The following ZNF205 variants were observed in gnomAD, a reference collection of about 807,000 sequenced individuals.
The protein encoded by ZNF205 is transcriptional repressor RHIT.
ZNF205 carries 32 observed loss-of-function variants against 53.6 expected under a neutral mutation model. That is an observed-to-expected ratio of 0.60 (90% confidence interval 0.45 to 0.80). ZNF205 has a LOEUF of 0.80. Ranked by LOEUF, ZNF205 falls within the 30% of genes least tolerant of loss-of-function variation. The pLI is 0.00. For missense variants in ZNF205, 836 were observed against 782.4 expected, an observed-to-expected ratio of 1.07 and a Z score of -0.82; for synonymous variants, 382 against 334.3, an observed-to-expected ratio of 1.14 and a Z score of -1.56.
At chr16:3,113,717 G>A (rs966829005) in intron 2 of ZNF205, among the ~76,000 whole-genome samples, 1 of 152,200 alleles carries the variant, frequency 6.6e-6, no homozygotes, top group African/African-American at 2.4e-5. Context: ...AGAGGTCTGG[G>A]TGGAGGTCCT....
rs1417175916 is a variant in ZNF205, at chr16:3,119,772, A to G, written c.1112A>G (p.Lys371Arg). The change falls in exon 7 of 7, where the codon AAG (lysine) becomes AGG (arginine). Residue 371 changes from lysine to arginine, a missense_variant. Physicochemically the swap from Lys to Arg is conservative, Grantham distance 26 (BLOSUM62 2). Coordinates refer to ENST00000219091, the MANE Select transcript of ZNF205 (RefSeq NM_001042428.2). ...EKPYTCPACR[K>R]SFSHHSTLIQ... ...CCCTACACCTGCCCCGCCTGCCGGA[A>G]GAGCTTCAGCCACCACTCCACGCTG... 6.2e-7 allele frequency: 1 copy of G among 1,613,672 alleles called. No individual in the cohort carries two copies. The highest frequency in any genetic ancestry group is 1.7e-5 in the Admixed American group (1 of 60,002).
Position 3,119,272 on chromosome 16 carries a change from G to T in ZNF205, c.612G>T (p.Gly204=). 6.3e-7 allele frequency: 1 copy of T among 1,584,728 alleles called. No homozygotes were observed. Among genetic ancestry groups the T allele is most frequent in the Non-Finnish European group, 8.6e-7 (1 of 1,164,390 alleles). The part of the protein sequence containing the change: ...RGACTGAVEV[G]QRVQTSSVAA... ...TTTTTCCAGGAGCCGTCGAGGTGGG[G>T]CAGAGGGTGCAGACCTCATCCGTGG... The change falls in exon 7 of 7, where the codon GGG becomes GGT. Residue 204 remains glycine, a synonymous_variant. Coordinates refer to ENST00000219091, the MANE Select transcript of ZNF205 (RefSeq NM_001042428.2).
chr16:3,116,603 G>T, intron 5 of ZNF205, 56 bp downstream of exon 5: 1 of 1,578,750 alleles, frequency 6.3e-7, no homozygotes, highest in Non-Finnish European at 8.6e-7. Context: ...CTGCTCTGCC[G>T]TCTCCTCTTT....
rs200233249 is a variant in ZNF205 at position 3,120,257 on chromosome 16, C to T, written c.1597C>T (p.Leu533=). ...EKIHTTGPKA[L]AMLMLGAAAA... is the part of the protein sequence containing the mutation. The stretch of plus-strand genomic sequence containing the variant: ...GATCCACACCACCGGGCCCAAGGCC[C>T]TGGCCATGCTGATGCTGGGGGCGGC... The change falls in exon 7 of 7, where the codon CTG becomes TTG. Residue 533 remains leucine, a synonymous_variant. Transcript: ENST00000219091. 1 of 1,604,364 alleles carries T rather than the reference C, an allele frequency of 6.2e-7. No individual in the cohort carries two copies. Among genetic ancestry groups the T allele is most frequent in the Admixed American group, 1.7e-5 (1 of 59,894 alleles).
In ZNF205 at chr16:3,119,016, G is replaced by C; in HGVS notation, c.595+1G>C. ...AAGGAGTGGAGAGGCGCGTGCACAG[G>C]TGAGGGACGGGCGCGCGCCTTTGTC... On this transcript the variant is annotated splice_donor_variant, in intron 6 of 6. Coordinates refer to ENST00000219091, the MANE Select transcript of ZNF205 (RefSeq NM_001042428.2). LOFTEE classifies it high-confidence loss of function. The C allele has an allele frequency of 6.2e-7, 1 of 1,612,508 alleles. No individual in the cohort carries two copies. Among genetic ancestry groups the C allele is most frequent in the East Asian group, 2.2e-5 (1 of 44,856 alleles).
At chr16:3,119,150 T>G in intron 6 of ZNF205, 106 bp from the exon 7 acceptor site, 2 of 1,502,708 alleles carry the variant, frequency 1.3e-6, no homozygotes, top group South Asian at 1.3e-5. Context: ...CCCTTGCGCT[T>G]TCTGGTCTCT....
At chr16:3,113,146 G>C (rs1957291444) in intron 1 of ZNF205, among the ~76,000 whole-genome samples, 1 of 152,198 alleles carries the variant, frequency 6.6e-6, no homozygotes, top group South Asian at 2.1e-4. Context: ...CGAGGCTCTT[G>C]CTTCAGCAAT....
chr16:3,113,567 C>A, intron 2 of ZNF205, 80 bp downstream of exon 2: 8 of 1,517,432 alleles, frequency 5.3e-6, no homozygotes, highest in Non-Finnish European at 7.2e-6. Flanking sequence ...AGAGTCTGGA[C>A]CCCTGGAAGA....
intron 5 of ZNF205, among the ~76,000 whole-genome samples, chr16:3,118,629 AC>A (rs1158273080): frequency 7.2e-5 from 11 of 151,950 alleles, no homozygotes; most frequent in African/African-American, 2.7e-4. Flanking sequence ...GGAGCGGGAT[AC>A]CCGTCCCGTG....
intron 2 of ZNF205, chr16:3,115,024 G>A (rs536857719): frequency 2.8e-4 from 59 of 213,202 alleles, no homozygotes; most frequent in African/African-American, 8.6e-4. Context: ...GGGAGGACAC[G>A]GATTCTTAGA....
At chr16:3,112,749 G>A (rs1233651438) in intron 1 of ZNF205, 67 bp downstream of exon 1, 1 of 259,082 alleles carries the variant, frequency 3.9e-6, no homozygotes, top group Non-Finnish European at 7.8e-6. Flanking sequence ...GCTTGCAGGA[G>A]GGGATGGGGT....
rs760591087 is a variant in ZNF205 at position 3,119,442 on chromosome 16, C to T, written c.782C>T (p.Pro261Leu). Residue 261 changes from proline to leucine, a missense_variant, in exon 7 of 7, where the codon CCG (proline) becomes CTG (leucine). Transcript: ENST00000219091. Reference sequence around the variant, plus strand: ...CAGCCGGCTGAGCCAGATCGCACCCCGGATGCAGCTCCGCCAGACCCCAGT... The same window carrying T: ...CAGCCGGCTGAGCCAGATCGCACCCTGGATGCAGCTCCGCCAGACCCCAGT... ...SGQPAEPDRT[P>L]DAAPPDPSPT... The T allele has an allele frequency of 1.0e-5, 16 of 1,594,540 alleles. No individual in the cohort carries two copies. Among genetic ancestry groups the T allele is most frequent in the Middle Eastern group, 1.7e-4 (1 of 6,022 alleles).
intron 5 of ZNF205, among the ~76,000 whole-genome samples, 171 bp downstream of exon 5, chr16:3,116,718 C>T (rs113838423): frequency 5.3e-4 from 81 of 152,230 alleles, no homozygotes; most frequent in African/African-American, 1.8e-3. Flanking sequence ...TGTGCTAGGA[C>T]GGGAGCCACA....
intron 6 of ZNF205, 77 bp downstream of exon 6, chr16:3,119,092 G>A (rs1957384138): frequency 1.3e-6 from 2 of 1,556,022 alleles, no homozygotes; most frequent in African/African-American, 1.4e-5. Context: ...CTGTGGGAGT[G>A]GGGCAGGGCC....
In ZNF205 at chr16:3,115,384, A is replaced by G. The variant is rs374005891; in HGVS notation, c.87A>G (p.Glu29=). ...EVPDRGHPHQ[E]MPSKLGEAVP... ...CAGATCGTGGACATCCTCATCAGGAAATGCCTTCTAAGCTGGGGGAGGCGG... is the reference window on the plus strand; with the variant it reads ...CAGATCGTGGACATCCTCATCAGGAGATGCCTTCTAAGCTGGGGGAGGCGG... Residue 29 remains glutamate, a synonymous_variant, in exon 3 of 7, where the codon GAA becomes GAG. Coordinates refer to ENST00000219091, the MANE Select transcript of ZNF205 (RefSeq NM_001042428.2). 1.9e-6 allele frequency: 3 copies of G among 1,605,008 alleles called. No individual in the cohort carries two copies. Among genetic ancestry groups the G allele is most frequent in the Non-Finnish European group, 2.6e-6 (3 of 1,176,076 alleles).
At chr16:3,116,343 G>T in intron 4 of ZNF205, 84 bp from the exon 5 acceptor site, 2 of 1,574,704 alleles carry the variant, frequency 1.3e-6, no homozygotes, top group African/African-American at 1.3e-5. Flanking sequence ...GGAGTCCGGG[G>T]TCTCACCACA....
At chr16:3,116,181 C>A (rs2151228816) in intron 4 of ZNF205, 1 of 654,372 alleles carries the variant, frequency 1.5e-6, no homozygotes, top group South Asian at 2.0e-5. Flanking sequence ...TCAGCTGAGG[C>A]TGGGGGCTGC....
chr16:3,116,271 G>T, intron 4 of ZNF205, 156 bp from the exon 5 acceptor site: 1 of 1,092,030 alleles, frequency 9.2e-7, no homozygotes, highest in Non-Finnish European at 1.3e-6. Context: ...AGAAGGCCTT[G>T]GGTGGCTCAC....
chr16:3,114,651 C>G (rs1957314807), intron 2 of ZNF205: 1 of 152,214 alleles, frequency 6.6e-6, no homozygotes, highest in Non-Finnish European at 1.5e-5. Flanking sequence ...CCCGTGGCTG[C>G]TGTAACAAGT....
Sources: allele counts gnomAD v4.1 joint callset (sites outside exome capture counted in the v4.1 genomes callset), GRCh38; gene constraint gnomAD v4.1.1; transcripts MANE v1.5; gene names NCBI Gene and HGNC (gene_info 2026-07-23, HGNC 2026-07-21).